The following ZBTB8OS variants were observed in gnomAD, a reference collection of about 807,000 sequenced individuals.
ZBTB8OS encodes tRNA-splicing ligase-activating factor archease.
Under a neutral mutation model 29.3 loss-of-function variants are expected in ZBTB8OS, and 16 were observed. The ratio of observed to expected loss-of-function variants is 0.55; its 90% confidence interval spans 0.37 to 0.83. ZBTB8OS has a LOEUF of 0.83. Ranked by LOEUF, ZBTB8OS falls within the 40% of genes least tolerant of loss-of-function variation. ZBTB8OS has a pLI of 0.00. For missense variants in ZBTB8OS, 160 were observed against 196.9 expected, an observed-to-expected ratio of 0.81 and a Z score of 1.12; for synonymous variants, 70 against 64.6, an observed-to-expected ratio of 1.08 and a Z score of -0.40.
rs539352500 is a variant in ZBTB8OS at position 32,646,327 on chromosome 1, A to T, written c.97+4106T>A. Among the ~76,000 whole-genome samples, 263 of 152,178 alleles carry T rather than the reference A, an allele frequency of 1.7e-3. 1 individual carries two copies. The highest frequency in any genetic ancestry group is 5.7e-3 in the African/African-American group (236 of 41,526). On this transcript the variant is annotated intron_variant, in intron 1 of 6. Coordinates refer to ENST00000468695, the MANE Select transcript of ZBTB8OS (RefSeq NM_178547.5). ...ACAGAATGAGACTGTCTCAGGGAAA[A>T]AAAAAAAGATTTTTTTTTCTTGGTA...
chr1:32,636,987 C>T (rs1405992505), intron 1 of ZBTB8OS, among the ~76,000 whole-genome samples: 3 of 152,056 alleles, frequency 2.0e-5, no homozygotes, highest in African/African-American at 7.3e-5. Flanking sequence ...TGTCTGTCTT[C>T]CAGCCTCTGT....
chr1:32,626,288 G>T (rs1402964567), intron 6 of ZBTB8OS, among the ~76,000 whole-genome samples: 1 of 152,114 alleles, frequency 6.6e-6, no homozygotes, highest in African/African-American at 2.4e-5. Context: ...TGCTGTACAG[G>T]TTCATAGCCT....
chr1:32,648,657 A>T (rs1191102199), intron 1 of ZBTB8OS, among the ~76,000 whole-genome samples: 1 of 152,148 alleles, frequency 6.6e-6, no homozygotes, highest in Non-Finnish European at 1.5e-5. Context: ...TATATGACCT[A>T]TTAAAAATAA....
intron 1 of ZBTB8OS, among the ~76,000 whole-genome samples, chr1:32,641,920 C>G (rs1240358530): frequency 6.6e-6 from 1 of 151,958 alleles, no homozygotes; most frequent in Non-Finnish European, 1.5e-5. Context: ...CAGAGCGAGA[C>G]TGTCTCAAAC....
chr1:32,633,768 T>G, intron 3 of ZBTB8OS, 41 bp from the exon 4 acceptor site: 1 of 1,523,910 alleles, frequency 6.6e-7, no homozygotes, highest in South Asian at 1.2e-5. Context: ...TTCTGGTCTC[T>G]AAAAACATAC....
Position 32,621,912 on chromosome 1 carries a change from G to A in ZBTB8OS, c.454C>T (p.Gln152Ter). 1 of 1,590,866 alleles carries A rather than the reference G, an allele frequency of 6.3e-7. No homozygotes were observed. The highest frequency in any genetic ancestry group is 1.9e-5 in the Admixed American group (1 of 53,966). Residue 152 changes from glutamine to a stop codon, truncating the protein, a stop_gained, in exon 7 of 7, where the codon CAG (glutamine) becomes TAG (stop). Coordinates refer to ENST00000468695, the MANE Select transcript of ZBTB8OS (RefSeq NM_178547.5). LOFTEE classifies it high-confidence loss of function. Reference sequence around the variant, plus strand: ...TCCGGGTTCTCTTCATTATAGACCTGCATTGCTGAATATGTTATTGCTTTG... The same window carrying A: ...TCCGGGTTCTCTTCATTATAGACCTACATTGCTGAATATGTTATTGCTTTG... ...EVKAITYSAM[Q>*]VYNEENPEVF...
rs1311097501 is a variant in ZBTB8OS, at chr1:32,634,082, T to A, written c.123-10A>T. ...TCCCCATGCGTGTAACCTAAAGAAG[T>A]ATATTCATGCTCTGTGTAATACAAT... On this transcript the variant is annotated splice_polypyrimidine_tract_variant and intron_variant, in intron 2 of 6. Coordinates refer to ENST00000468695, the MANE Select transcript of ZBTB8OS (RefSeq NM_178547.5). The A allele has an allele frequency of 6.5e-7, 1 of 1,543,114 alleles. No homozygotes were observed. The highest frequency in any genetic ancestry group is 1.4e-5 in the African/African-American group (1 of 71,646).
At chr1:32,633,186 A>C (rs3737996) in intron 4 of ZBTB8OS, 25,099 of 152,376 alleles carry the variant, frequency 0.16, 4,298 homozygotes, top group African/African-American at 0.43. Flanking sequence ...CAAAAGGAAA[A>C]AATGGATGGA....
chr1:32,624,178 G>C (rs1377402033), intron 6 of ZBTB8OS, among the ~76,000 whole-genome samples: 1 of 152,052 alleles, frequency 6.6e-6, no homozygotes, highest in Non-Finnish European at 1.5e-5. Context: ...ACCCAGTCTC[G>C]GGTATGTCTT....
In ZBTB8OS at chr1:32,625,320, C is replaced by G. The variant is rs140555280; in HGVS notation, c.417+2188G>C. On this transcript the variant is annotated intron_variant, in intron 6 of 6. Transcript: ENST00000468695. ...GGCTGAGGTAGGTAAATCACCTGAG[C>G]TCAGGAGTTCGAGATCAGCCTGGCC... Among the ~76,000 whole-genome samples, 677 of 151,430 alleles carry G rather than the reference C, an allele frequency of 4.5e-3. 2 individuals carry two copies. Among genetic ancestry groups the G allele is most frequent in the Middle Eastern group, 6.9e-3 (2 of 290 alleles).
upstream of ZBTB8OS, chr1:32,650,700 A>G (rs969378311): frequency 2.4e-6 from 3 of 1,240,492 alleles, no homozygotes; most frequent in African/African-American, 1.5e-5. Flanking sequence ...CTTGGATCGC[A>G]TATTTAAAAA....
chr1:32,636,431 C>T (rs1238603279), intron 1 of ZBTB8OS, among the ~76,000 whole-genome samples: 2 of 152,194 alleles, frequency 1.3e-5, no homozygotes, highest in African/African-American at 4.8e-5. Flanking sequence ...TTGCTCACGC[C>T]TGTAATCCCA....
chr1:32,629,740 T>G (rs563597104), intron 5 of ZBTB8OS, among the ~76,000 whole-genome samples: 1 of 149,402 alleles, frequency 6.7e-6, no homozygotes, highest in African/African-American at 2.5e-5. Context: ...CTTTTGGACA[T>G]GCTTGTTTCT....
intron 5 of ZBTB8OS, among the ~76,000 whole-genome samples, chr1:32,631,158 C>T (rs996883207): frequency 1.3e-5 from 2 of 151,892 alleles, no homozygotes; most frequent in Non-Finnish European, 2.9e-5. Flanking sequence ...GAGTTTGAGA[C>T]CAGCCTGGGC....
chr1:32,631,319 T>A (rs1366201951), intron 5 of ZBTB8OS, among the ~76,000 whole-genome samples: 1 of 142,702 alleles, frequency 7.0e-6, no homozygotes, highest in South Asian at 2.2e-4. Context: ...CACACCACTG[T>A]ACTCCAGCCT....
intron 6 of ZBTB8OS, among the ~76,000 whole-genome samples, chr1:32,626,876 G>GA (rs1401405415): frequency 6.6e-6 from 1 of 151,802 alleles, no homozygotes; most frequent in East Asian, 1.9e-4. Flanking sequence ...AATGGTTGGG[G>GA]AAAAAAATCA....
At chr1:32,631,791 C>T in intron 5 of ZBTB8OS, 36 bp downstream of exon 5, 5 of 1,470,428 alleles carry the variant, frequency 3.4e-6, no homozygotes, top group Non-Finnish European at 4.7e-6. Flanking sequence ...AAGAATATAA[C>T]TTTAACTCGG....
chr1:32,632,805 T>C (rs957532853), intron 4 of ZBTB8OS, among the ~76,000 whole-genome samples: 3 of 152,164 alleles, frequency 2.0e-5, no homozygotes, highest in Admixed American at 6.6e-5. Context: ...TGCTGTACAC[T>C]GCCACTTCAA....
intron 1 of ZBTB8OS, among the ~76,000 whole-genome samples, chr1:32,645,865 A>T (rs669047): frequency 6.6e-6 from 1 of 152,164 alleles, no homozygotes; most frequent in Non-Finnish European, 1.5e-5. Flanking sequence ...TATTATGAAA[A>T]TAGTTTTGAC....
Sources: allele counts gnomAD v4.1 joint callset (sites outside exome capture counted in the v4.1 genomes callset), GRCh38; gene constraint gnomAD v4.1.1; transcripts MANE v1.5; gene names NCBI Gene and HGNC (gene_info 2026-07-23, HGNC 2026-07-21).